FRYL: variants seen among roughly 807,000 people sequenced by gnomAD.
FRYL encodes the protein protein furry homolog-like.
Under a neutral mutation model 351.2 loss-of-function variants are expected in FRYL, and 150 were observed. The observed-to-expected ratio is 0.43, with a 90% confidence interval of 0.37 to 0.49. FRYL has a LOEUF of 0.49. Among genes scored for constraint, FRYL ranks in the 20% least tolerant of loss-of-function variants. The pLI, the probability that FRYL is intolerant of heterozygous loss-of-function variation, is 0.00. For synonymous variants in FRYL, 1,153 were observed against 1,257.1 expected (o/e 0.92, Z 1.75); for missense variants, 3,036 against 3,619.3 (o/e 0.84, Z 4.13).
At chr4:48,586,225 C>T (rs1742078820) in intron 19 of FRYL, among the ~76,000 whole-genome samples, 2 of 152,030 alleles carry the variant, frequency 1.3e-5, no homozygotes. Flanking sequence ...ACAAATGAGA[C>T]CTGATTACCA....
chr4:48,632,108 ATATATATAT>A (rs1312438180), intron 4 of FRYL, among the ~76,000 whole-genome samples: 1,212 of 64,370 alleles, frequency 0.019, 48 homozygotes, highest in Middle Eastern at 0.061. Context: ...ATATATATAT[ATATATATAT>A]ATATATATAT....
Position 48,528,341 on chromosome 4 carries a change from A to G in FRYL, c.6904-5T>C. On this transcript the variant is annotated splice_polypyrimidine_tract_variant and splice_region_variant and intron_variant, in intron 50 of 63. Coordinates refer to ENST00000358350, the MANE Select transcript of FRYL (RefSeq NM_015030.2). ...TTTGTTTCCAATAATTGGTGTCTAC[A>G]CAGAAACAAAATGTCAGTGTTTGGC... 6.3e-7 allele frequency: 1 copy of G among 1,594,452 alleles called. No homozygotes were observed. Among genetic ancestry groups the G allele is most frequent in the Non-Finnish European group, 8.5e-7 (1 of 1,169,634 alleles).
intron 1 of FRYL, among the ~76,000 whole-genome samples, chr4:48,757,166 C>T (rs1391795342): frequency 1.3e-5 from 2 of 152,184 alleles, no homozygotes; most frequent in African/African-American, 4.8e-5. Flanking sequence ...CAGGCTGCTG[C>T]ATTCCCTTTG....
intron 1 of FRYL, among the ~76,000 whole-genome samples, chr4:48,773,203 A>G (rs1029899651): frequency 2.0e-5 from 3 of 152,216 alleles, no homozygotes; most frequent in Non-Finnish European, 4.4e-5. Context: ...TCAACAGATT[A>G]TCTATCATTA....
In FRYL at chr4:48,499,111, G is replaced by A. The variant is rs991617761; in HGVS notation, c.*311C>T. 27 of 229,224 alleles carry A rather than the reference G, an allele frequency of 1.2e-4. No individual in the cohort carries two copies. The highest frequency in any genetic ancestry group is 6.0e-4 in the African/African-American group (26 of 43,440). The allele number at this position is 229,224 out of a possible 1,614,324, so 14.2% of individuals were successfully genotyped here. On this transcript the variant is annotated 3_prime_UTR_variant, in exon 64 of 64. Coordinates refer to ENST00000358350, the MANE Select transcript of FRYL (RefSeq NM_015030.2). ...GAGGCCATTATTGCAAACATTCTTGGAATTCTTTTCTTTCCCCAGAAAGTA... is the reference window on the plus strand; with the variant it reads ...GAGGCCATTATTGCAAACATTCTTGAAATTCTTTTCTTTCCCCAGAAAGTA...
At position 48,506,614 on chromosome 4, in the gene FRYL, TAA is replaced by T. The variant is rs1491098727; in HGVS notation, c.8395-1001_8395-1000del. The T allele has an allele frequency of 1.5e-3, 114 of 77,984 alleles. 1 individual carries two copies. Among genetic ancestry groups the T allele is most frequent in the South Asian group, 4.1e-3 (8 of 1,962 alleles). The allele number at this position is 77,984 out of a possible 1,614,324, so 4.8% of individuals were successfully genotyped here. A position where few individuals can be genotyped will look rare whatever the true frequency, so the allele number is the denominator to read the frequency against. On this transcript the variant is annotated intron_variant, in intron 59 of 63. Coordinates refer to ENST00000358350, the MANE Select transcript of FRYL (RefSeq NM_015030.2). ...AAATTATACTATTAAACAATACAAC[TAA>T]TATATATATATATATATATATATAT...
intron 13 of FRYL, 53 bp from the exon 14 acceptor site, chr4:48,596,053 C>T: frequency 1.7e-6 from 2 of 1,154,400 alleles, no homozygotes; most frequent in Admixed American, 2.2e-5. Context: ...AATCACTTAA[C>T]AGCAAACATA....
intron 1 of FRYL, among the ~76,000 whole-genome samples, chr4:48,749,443 T>A (rs1773029510): frequency 6.6e-6 from 1 of 152,198 alleles, no homozygotes; most frequent in Non-Finnish European, 1.5e-5. Context: ...GCGAAAGGAC[T>A]GGGAGGAACT....
chr4:48,501,402 CT>C (rs1719621546), intron 62 of FRYL, among the ~76,000 whole-genome samples: 1 of 152,122 alleles, frequency 6.6e-6, no homozygotes, highest in Non-Finnish European at 1.5e-5. Flanking sequence ...CTATGGAAAC[CT>C]TTAAGGTCTT....
chr4:48,534,409 CT>C, intron 49 of FRYL, 135 bp downstream of exon 49: 1 of 681,344 alleles, frequency 1.5e-6, no homozygotes. Context: ...ATTTTCCATA[CT>C]GCAAATATCC....
In FRYL at chr4:48,561,533, G is replaced by A. The variant is rs756950126; in HGVS notation, c.3800C>T (p.Ser1267Leu). 5.0e-6 allele frequency: 8 copies of A among 1,611,922 alleles called. No individual in the cohort carries two copies. The stretch of plus-strand genomic sequence containing the variant: ...TAGTTCCTCGGACAACTGATAATAT[G>A]AAACAGAATAGAGATGTGGTAGAGG... Reference protein sequence around the residue: ...LSPLPHLYSVSYYQLSEELAR... With the variant: ...LSPLPHLYSVLYYQLSEELAR... The change falls in exon 33 of 64, where the codon TCA (serine) becomes TTA (leucine). Residue 1267 changes from serine to leucine, a missense_variant. Ser to Leu is a moderately radical substitution (Grantham distance 145). This residue lies in a region of FRYL where 1,987 missense variants were observed against 2,311.7 expected (regional missense o/e 0.86). Transcript: ENST00000358350.
chr4:48,779,733 G>A (rs1187020245), intron 1 of FRYL, among the ~76,000 whole-genome samples: 1 of 151,890 alleles, frequency 6.6e-6, no homozygotes, highest in Non-Finnish European at 1.5e-5. Flanking sequence ...AGGGGTACCC[G>A]GGCGCGCGCG....
chr4:48,543,948 T>C lies in FRYL; in HGVS notation c.5451A>G (p.Ala1817=), dbSNP rs1730776909. 6.2e-7 allele frequency: 1 copy of C among 1,613,724 alleles called. No homozygotes were observed. The highest frequency in any genetic ancestry group is 1.1e-5 in the South Asian group (1 of 91,080). ...CATAGTGTCGAGAAGAACAGGAAAG[T>C]GCTGTTTGCAGAGCAACTTCACTAA... The part of the protein sequence containing the change: ...HHLSEVALQT[A]LSCSSRHYAG... Residue 1817 remains alanine, a synonymous_variant, in exon 44 of 64, where the codon GCA becomes GCG. Transcript: ENST00000358350.
At chr4:48,610,561 A>G (rs1747865271) in intron 7 of FRYL, among the ~76,000 whole-genome samples, 1 of 150,148 alleles carries the variant, frequency 6.7e-6, no homozygotes, top group South Asian at 2.1e-4. Flanking sequence ...CTCAATATGT[A>G]TATATCACAA....
At chr4:48,746,289 G>A (rs547001399) in intron 1 of FRYL, among the ~76,000 whole-genome samples, 1 of 151,840 alleles carries the variant, frequency 6.6e-6, no homozygotes, top group Admixed American at 6.6e-5. Context: ...GTCTGCAGCT[G>A]GGCACGGTGG....
At chr4:48,610,325 T>C (rs1747792343) in intron 7 of FRYL, among the ~76,000 whole-genome samples, 2 of 152,106 alleles carry the variant, frequency 1.3e-5, no homozygotes, top group Non-Finnish European at 1.5e-5. Flanking sequence ...TAAAAGAGTA[T>C]ATGCTAGTTC....
In FRYL at chr4:48,741,032, GA is replaced by G. The variant is rs548301237; in HGVS notation, c.-383-30335del. 1.3e-3 allele frequency among the ~76,000 whole-genome samples: 178 copies of G among 137,118 alleles called. No individual in the cohort carries two copies. In the East Asian group the frequency reaches 0.023, roughly 18 times the overall value. The allele number at this position is 137,118 out of a possible 152,430, so 90.0% of individuals were successfully genotyped here. On this transcript the variant is annotated intron_variant, in intron 1 of 63. Transcript: ENST00000358350. ...TGTTCTGTCGGTGAATAGATTTGAT[GA>G]AAAAAAAAAAAGCAAGCTGTGCTAC...
chr4:48,602,272 A>C (rs1745868789), intron 12 of FRYL, 151 bp from the exon 13 acceptor site: 3 of 569,130 alleles, frequency 5.3e-6, no homozygotes, highest in East Asian at 3.4e-5. Flanking sequence ...CTCATAGAAT[A>C]ATCTAACACA....
At chr4:48,535,085 G>A (rs1315157522) in intron 48 of FRYL, among the ~76,000 whole-genome samples, 1 of 152,016 alleles carries the variant, frequency 6.6e-6, no homozygotes, top group Non-Finnish European at 1.5e-5. Context: ...AACTTTTTGT[G>A]CTGTTCTAGG....
Sources: allele counts gnomAD v4.1 joint callset (sites outside exome capture counted in the v4.1 genomes callset), GRCh38; gene constraint gnomAD v4.1.1; regional missense constraint gnomAD v4.1.1; transcripts MANE v1.5; gene names NCBI Gene and HGNC (gene_info 2026-07-23, HGNC 2026-07-21).